Variants in FTO observed in about 807,000 individuals in gnomAD.
FTO encodes the protein FTO alpha-ketoglutarate dependent dioxygenase, also known as alpha-ketoglutarate-dependent dioxygenase FTO.
In FTO, 47 loss-of-function variants were observed where a neutral mutation model predicts 63.9. The ratio of observed to expected loss-of-function variants is 0.74; its 90% CI spans 0.58 to 0.94. The LOEUF (loss-of-function observed/expected upper bound fraction) is 0.94. Among genes scored for constraint, FTO ranks in the 40% least tolerant of loss-of-function variants. The pLI is 0.00. For missense variants in FTO, 562 were observed against 618.1 expected (o/e 0.91, Z 0.96); for synonymous variants, 207 against 224.4 (o/e 0.92, Z 0.69).
chr16:53,748,330 G>A (rs1453692935), intron 1 of FTO, among the ~76,000 whole-genome samples: 2 of 152,002 alleles, frequency 1.3e-5, no homozygotes, highest in Non-Finnish European at 2.9e-5. Flanking sequence ...ATCATCTTCA[G>A]TATCTTTCAT....
At chr16:53,742,269 T>C (rs1445932646) in intron 1 of FTO, among the ~76,000 whole-genome samples, 4 of 152,152 alleles carry the variant, frequency 2.6e-5, no homozygotes, top group Non-Finnish European at 5.9e-5. Context: ...CCTTCAGGCA[T>C]TGGCCTGGCA....
intron 8 of FTO, among the ~76,000 whole-genome samples, chr16:53,976,275 A>G (rs1422664527): frequency 1.3e-5 from 2 of 152,128 alleles, no homozygotes; most frequent in South Asian, 2.1e-4. Flanking sequence ...GTGTTTACCT[A>G]TTTAATCCAC....
intron 8 of FTO, among the ~76,000 whole-genome samples, chr16:54,011,720 A>G (rs2084339645): frequency 6.6e-6 from 1 of 152,220 alleles, no homozygotes; most frequent in South Asian, 2.1e-4. Context: ...AACGATATAA[A>G]AATAAAGAGA....
chr16:53,967,992 AATTT>A (rs1427566278), intron 8 of FTO, among the ~76,000 whole-genome samples: 1 of 152,184 alleles, frequency 6.6e-6, no homozygotes, highest in Admixed American at 6.5e-5. Context: ...TCATTTAATT[AATTT>A]GTTTTAATTT....
At chr16:53,936,318 A>C (rs997300524) in intron 8 of FTO, among the ~76,000 whole-genome samples, 14 of 152,348 alleles carry the variant, frequency 9.2e-5, no homozygotes, top group Admixed American at 7.2e-4. Flanking sequence ...GTGTCTTGAG[A>C]TCTCAGAAGG....
chr16:54,006,678 AAG>A (rs1265586037), intron 8 of FTO, among the ~76,000 whole-genome samples: 1 of 152,246 alleles, frequency 6.6e-6, no homozygotes, highest in East Asian at 1.9e-4. Context: ...CTAGTAGATA[AAG>A]AGAGAGCTTT....
At chr16:53,867,741 A>T (rs182808523) in intron 4 of FTO, among the ~76,000 whole-genome samples, 19 of 152,278 alleles carry the variant, frequency 1.2e-4, no homozygotes, top group Non-Finnish European at 1.3e-4. Context: ...CAGTTCAACT[A>T]TGTCCTTAAT....
intron 1 of FTO, among the ~76,000 whole-genome samples, chr16:53,744,272 G>C (rs1346125698): frequency 6.6e-6 from 1 of 152,176 alleles, no homozygotes; most frequent in African/African-American, 2.4e-5. Context: ...AGATGGGAAG[G>C]CACCTAGGCC....
chr16:54,095,549 C>A (rs1412576211), intron 8 of FTO, among the ~76,000 whole-genome samples: 1 of 151,944 alleles, frequency 6.6e-6, no homozygotes, highest in Non-Finnish European at 1.5e-5. Flanking sequence ...AGAATGTTAG[C>A]TTTTCATCCT....
chr16:53,855,884 G>C (rs1218713208), intron 4 of FTO, among the ~76,000 whole-genome samples: 1 of 152,004 alleles, frequency 6.6e-6, no homozygotes, highest in Non-Finnish European at 1.5e-5. Flanking sequence ...TAATGTGTTG[G>C]TTTCTTTTAG....
chr16:53,778,550 T>C (rs938728826), intron 1 of FTO, among the ~76,000 whole-genome samples: 1 of 152,202 alleles, frequency 6.6e-6, no homozygotes, highest in Non-Finnish European at 1.5e-5. Flanking sequence ...ATAGTATTGA[T>C]CTTGTGGAAC....
chr16:53,729,183 G>C (rs547263721), intron 1 of FTO, among the ~76,000 whole-genome samples: 1 of 151,814 alleles, frequency 6.6e-6, no homozygotes, highest in Non-Finnish European at 1.5e-5. Flanking sequence ...TTAGATTTCC[G>C]TAGGCTCTTG....
At chr16:53,883,932 G>A (rs978452450) in intron 6 of FTO, among the ~76,000 whole-genome samples, 3 of 152,100 alleles carry the variant, frequency 2.0e-5, no homozygotes, top group African/African-American at 4.8e-5. Flanking sequence ...TTGCATGCTC[G>A]CTCTCTACTT....
intron 7 of FTO, among the ~76,000 whole-genome samples, chr16:53,899,719 C>T (rs951897277): frequency 6.6e-6 from 1 of 152,026 alleles, no homozygotes; most frequent in Non-Finnish European, 1.5e-5. Flanking sequence ...CCAAGAAATG[C>T]CTTGTGATGT....
rs2085994628 is a variant in FTO, at chr16:54,076,424, A to G, written c.1365-35338A>G. ...TAATAGCTATGCAGAAATGGGCAAC[A>G]TTTGAGTTCCACAAAGCAAGTATAC... On this transcript the variant is annotated intron_variant, in intron 8 of 8. Coordinates refer to ENST00000471389, the MANE Select transcript of FTO (RefSeq NM_001080432.3). 2.0e-5 allele frequency among the ~76,000 whole-genome samples: 3 copies of G among 152,316 alleles called. No individual in the cohort carries two copies. In the South Asian group the frequency reaches 6.2e-4, roughly 32 times the overall value.
intron 1 of FTO, among the ~76,000 whole-genome samples, chr16:53,775,346 G>C (rs985889381): frequency 6.6e-6 from 1 of 152,058 alleles, no homozygotes; most frequent in African/African-American, 2.4e-5. Flanking sequence ...TGAGATTTCA[G>C]ATCCACCTGC....
At chr16:53,900,606 T>TC (rs2081379642) in intron 7 of FTO, among the ~76,000 whole-genome samples, 1 of 128,514 alleles carries the variant, frequency 7.8e-6, no homozygotes, top group Non-Finnish European at 1.6e-5. Context: ...ATTCATCTGC[T>TC]CCTTTTTTTT....
intron 8 of FTO, among the ~76,000 whole-genome samples, chr16:54,024,108 A>C (rs2084659341): frequency 6.6e-6 from 1 of 152,180 alleles, no homozygotes; most frequent in Non-Finnish European, 1.5e-5. Flanking sequence ...TGTTTTCTTC[A>C]ATTAGATGGT....
chr16:53,950,917 C>G (rs978892579), intron 8 of FTO, among the ~76,000 whole-genome samples: 1 of 152,296 alleles, frequency 6.6e-6, no homozygotes, highest in African/African-American at 2.4e-5. Flanking sequence ...TGCACCTAGG[C>G]TCTTTCCTAC....
Sources: allele counts gnomAD v4.1 joint callset (sites outside exome capture counted in the v4.1 genomes callset), GRCh38; gene constraint gnomAD v4.1.1; transcripts MANE v1.5; gene names NCBI Gene and HGNC (gene_info 2026-07-23, HGNC 2026-07-21).